LMLN: variants seen among roughly 807,000 people sequenced by gnomAD.
LMLN encodes the protein leishmanolysin-like peptidase.
In LMLN, 70 loss-of-function variants were observed where a neutral mutation model predicts 92.3. That is an observed-to-expected ratio of 0.76 (90% CI 0.63 to 0.92). LMLN has a LOEUF of 0.92. Ranked by LOEUF, LMLN falls within the 40% of genes least tolerant of loss-of-function variation. The pLI, the probability that LMLN is intolerant of heterozygous loss-of-function variation, is 0.00. For missense variants in LMLN, 691 were observed against 814.6 expected, an observed-to-expected ratio of 0.85 and a Z score of 1.85; for synonymous variants, 308 against 296.2, an observed-to-expected ratio of 1.04 and a Z score of -0.41.
intron 15 of LMLN, among the ~76,000 whole-genome samples, chr3:198,037,327 T>C (rs920195256): frequency 1.3e-5 from 2 of 152,240 alleles, no homozygotes; most frequent in South Asian, 2.1e-4. Flanking sequence ...AACTCTGCTC[T>C]ACACAGTACT....
chr3:197,973,807 A>T (rs1417553741), intron 1 of LMLN, among the ~76,000 whole-genome samples: 2 of 152,240 alleles, frequency 1.3e-5, no homozygotes, highest in Non-Finnish European at 2.9e-5. Flanking sequence ...CTGGAATTAT[A>T]TGAGTGAGAT....
chr3:197,980,246 T>C, intron 5 of LMLN, 80 bp from the exon 6 acceptor site: 2 of 1,193,174 alleles, frequency 1.7e-6, no homozygotes, highest in Non-Finnish European at 2.4e-6. Flanking sequence ...GTTTATAGTG[T>C]AGATTTTACT....
chr3:198,013,591 A>G lies in LMLN; in HGVS notation c.1233-5662A>G, dbSNP rs533068236. ...TTCTCTGTACCCTTCAGAGCCCCTT[A>G]ACTAGTCTGACTTCTCTGTACCCTT... On this transcript the variant is annotated intron_variant, in intron 11 of 15. Coordinates refer to ENST00000330198, the Ensembl canonical transcript of LMLN. Among the ~76,000 whole-genome samples the G allele has an allele frequency of 8.0e-5, 10 of 124,636 alleles. No homozygotes were observed. The East Asian group carries it at 2.1e-3, about 26-fold the overall frequency. 81.8% of individuals were successfully genotyped at this position (124,636 alleles called of 152,430 possible).
intron 1 of LMLN, among the ~76,000 whole-genome samples, chr3:197,963,354 G>A (rs57209834): frequency 1.3e-5 from 2 of 151,890 alleles, no homozygotes; most frequent in African/African-American, 4.8e-5. Flanking sequence ...CCAAGTATGC[G>A]CCACTACACT....
chr3:198,007,271 G>A (rs979515252), intron 11 of LMLN, among the ~76,000 whole-genome samples: 4 of 152,148 alleles, frequency 2.6e-5, no homozygotes, highest in African/African-American at 9.7e-5. Flanking sequence ...TCTAGATCTT[G>A]AAAGTTTTCT....
intron 11 of LMLN, 141 bp from the exon 12 acceptor site, chr3:198,002,874 A>T (rs1416124838): frequency 3.7e-6 from 2 of 542,568 alleles, no homozygotes; most frequent in Non-Finnish European, 6.6e-6. Flanking sequence ...GTTGTGAGTG[A>T]TCACTTACAG....
chr3:198,014,579 C>T (rs1722562217), intron 11 of LMLN, among the ~76,000 whole-genome samples: 1 of 88,770 alleles, frequency 1.1e-5, no homozygotes, highest in Non-Finnish European at 2.3e-5. Flanking sequence ...CTGTATCCTT[C>T]AGAGCCCCCT....
intron 6 of LMLN, among the ~76,000 whole-genome samples, chr3:197,982,772 TAA>T (rs972462464): frequency 1.3e-5 from 2 of 152,192 alleles, no homozygotes; most frequent in African/African-American, 4.8e-5. Context: ...TAGAGGAGAA[TAA>T]AAGAGGAAAC....
At chr3:198,041,636 C>G (rs992293752) in exon 16 of LMLN, 3 of 152,178 alleles carry the variant, frequency 2.0e-5, no homozygotes, top group Non-Finnish European at 1.5e-5. Context: ...GGCCAGTGCT[C>G]ATTTTCTGCC....
intron 14 of LMLN, among the ~76,000 whole-genome samples, chr3:198,027,001 T>C (rs1341209170): frequency 6.6e-6 from 1 of 152,194 alleles, no homozygotes; most frequent in Non-Finnish European, 1.5e-5. Context: ...TGTGTGTGTG[T>C]AAGTAATCAT....
chr3:197,984,092 C>G, intron 7 of LMLN, 44 bp downstream of exon 7: 1 of 1,236,528 alleles, frequency 8.1e-7, no homozygotes, highest in South Asian at 1.2e-5. Context: ...CCTTGATTTT[C>G]TGCTTAGTAT....
chr3:198,018,208 T>G (rs1722691521), intron 11 of LMLN, among the ~76,000 whole-genome samples: 1 of 152,250 alleles, frequency 6.6e-6, no homozygotes, highest in African/African-American at 2.4e-5. Context: ...AGAAATGACT[T>G]TCATGGTATC....
chr3:197,995,879 A>G (rs1722004346), intron 9 of LMLN, among the ~76,000 whole-genome samples: 1 of 152,200 alleles, frequency 6.6e-6, no homozygotes, highest in Non-Finnish European at 1.5e-5. Flanking sequence ...ATTGTTATTG[A>G]CATGAGTTAC....
Position 197,980,102 on chromosome 3 carries a change from A to T in LMLN, c.550-224A>T, listed in dbSNP as rs373234127. ...AAATAGGAATTATTTAATTGAGATT[A>T]TAGGTTTATGATCATTTTATGTAAA... On this transcript the variant is annotated intron_variant, in intron 5 of 15. Transcript: ENST00000330198. Among the ~76,000 whole-genome samples, 8 of 152,316 alleles carry T rather than the reference A, an allele frequency of 5.3e-5. No homozygotes were observed. The East Asian group carries it at 1.5e-3, about 29-fold the overall frequency.
At chr3:197,989,196 A>G (rs916689440) in intron 8 of LMLN, among the ~76,000 whole-genome samples, 3 of 152,194 alleles carry the variant, frequency 2.0e-5, no homozygotes, top group African/African-American at 4.8e-5. Context: ...GAGAGAGGGC[A>G]TGGAAACGCA....
intron 1 of LMLN, among the ~76,000 whole-genome samples, chr3:197,966,430 T>C (rs763597261): frequency 6.6e-6 from 1 of 152,224 alleles, no homozygotes; most frequent in Non-Finnish European, 1.5e-5. Flanking sequence ...GTCTTGTTTC[T>C]GATCTTAGAG....
chr3:197,975,877 T>A, intron 3 of LMLN, 152 bp from the exon 4 acceptor site: 3 of 531,914 alleles, frequency 5.6e-6, no homozygotes, highest in Non-Finnish European at 9.9e-6. Flanking sequence ...CTTACTCTCT[T>A]CCTACCCCTT....
chr3:197,975,151 T>C (rs1721334508), intron 3 of LMLN, 79 bp downstream of exon 3: 2 of 780,248 alleles, frequency 2.6e-6, no homozygotes, highest in South Asian at 1.6e-5. Context: ...TAAAGAAAAA[T>C]ATATACATGA....
intron 1 of LMLN, among the ~76,000 whole-genome samples, chr3:197,968,192 C>T (rs181488036): frequency 5.9e-5 from 9 of 152,124 alleles, no homozygotes; most frequent in African/African-American, 1.7e-4. Flanking sequence ...GTACACTGGG[C>T]GTGGTGGCTT....
Sources: gnomAD v4.1 joint callset for allele counts (sites outside exome capture counted in the v4.1 genomes callset) on GRCh38, gnomAD v4.1.1 for gene constraint, MANE v1.5 for transcripts, NCBI Gene and HGNC (gene_info 2026-07-23, HGNC 2026-07-21) for gene names.